PID1: variants seen among roughly 807,000 people sequenced by gnomAD.
PID1 encodes phosphotyrosine interaction domain containing 1, also known as PTB-containing, cubilin and LRP1-interacting protein.
PID1 carries 10 observed loss-of-function variants against 19.1 expected under a neutral mutation model. The observed-to-expected ratio is 0.52, with a 90% CI of 0.32 to 0.89. The LOEUF is 0.89. Among genes scored for constraint, PID1 ranks in the 40% least tolerant of loss-of-function variants. The pLI is 0.03. For synonymous variants in PID1, 130 were observed against 116.0 expected (o/e 1.12, Z -0.78); for missense variants, 248 against 285.3 (o/e 0.87, Z 0.94).
chr2:229,232,025 C>G, intron 1 of PID1: 1 of 1,549,442 alleles, frequency 6.5e-7, no homozygotes, highest in South Asian at 1.2e-5. Context: ...TGTCCTCACA[C>G]AGTGGAAGGC....
rs541358758 is a variant in PID1, at chr2:229,270,937, G to A, written c.30+77C>T. On this transcript the variant is annotated intron_variant, in intron 1 of 2. Transcript: ENST00000392055. ...GTTTTGGGCAAATCCCCTAAAGTAG[G>A]CAGAAGCAAAAACTAGGTTCCTCTG... The A allele has an allele frequency of 3.7e-5, 50 of 1,356,872 alleles. 1 individual carries two copies. In the South Asian group the frequency reaches 5.8e-4, roughly 16 times the overall value. The allele number at this position is 1,356,872 out of a possible 1,614,324, so 84.1% of individuals were successfully genotyped here.
chr2:229,218,074 T>G (rs541518557), intron 1 of PID1, among the ~76,000 whole-genome samples: 2 of 152,358 alleles, frequency 1.3e-5, no homozygotes, highest in Admixed American at 1.3e-4. Context: ...ATCTCTGTAA[T>G]AGTCCTTTAC....
At chr2:229,268,070 G>A (rs907434923) in intron 1 of PID1, among the ~76,000 whole-genome samples, 8 of 152,162 alleles carry the variant, frequency 5.3e-5, no homozygotes, top group East Asian at 1.9e-4. Flanking sequence ...AGCTCCCAGC[G>A]AGGGCTCGAG....
chr2:229,040,175 T>C (rs1233072798), intron 2 of PID1, among the ~76,000 whole-genome samples: 2 of 145,968 alleles, frequency 1.4e-5, no homozygotes, highest in Non-Finnish European at 3.0e-5. Flanking sequence ...TCCCAGCACA[T>C]TGGGAAGCTG....
chr2:229,092,990 T>A (rs1466115607), intron 2 of PID1, among the ~76,000 whole-genome samples: 2 of 152,176 alleles, frequency 1.3e-5, no homozygotes, highest in African/African-American at 4.8e-5. Context: ...CTATCAAGGT[T>A]AAGAACAATG....
At chr2:229,195,687 T>A (rs990640612) in intron 1 of PID1, among the ~76,000 whole-genome samples, 1 of 151,922 alleles carries the variant, frequency 6.6e-6, no homozygotes, top group Non-Finnish European at 1.5e-5. Flanking sequence ...CAAGCATATA[T>A]ACATGGACAA....
intron 2 of PID1, among the ~76,000 whole-genome samples, chr2:229,058,740 A>AAC (rs1303650114): frequency 6.6e-6 from 1 of 151,706 alleles, no homozygotes; most frequent in African/African-American, 2.4e-5. Context: ...AAAAAAAAAA[A>AAC]AAAGTGAGTT....
intron 2 of PID1, among the ~76,000 whole-genome samples, chr2:229,057,976 A>G (rs1233099418): frequency 6.6e-6 from 1 of 152,252 alleles, no homozygotes; most frequent in East Asian, 1.9e-4. Flanking sequence ...GAAAGCAATT[A>G]GAAATGCAAA....
rs1329247679 is a variant in PID1, at chr2:229,139,151, A to G, written c.177+16667T>C. 9.9e-3 allele frequency among the ~76,000 whole-genome samples: 1,279 copies of G among 129,782 alleles called. 132 individuals are homozygous for G. Among genetic ancestry groups the G allele is most frequent in the African/African-American group, 0.036 (1,210 of 33,946 alleles). 85.1% of individuals were successfully genotyped at this position (129,782 alleles called of 152,430 possible). On this transcript the variant is annotated intron_variant, in intron 2 of 2. Coordinates refer to ENST00000392055, the MANE Select transcript of PID1 (RefSeq NM_001100818.2). ...AAAGAAAGAAAGAAAGAAAGAAAGC[A>G]AGCGAGCGAGCAAGCGAGCTTCCCT...
At chr2:229,267,577 G>A (rs189520144) in intron 1 of PID1, among the ~76,000 whole-genome samples, 15 of 152,236 alleles carry the variant, frequency 9.9e-5, no homozygotes, top group East Asian at 5.8e-4. Flanking sequence ...GACCTCCTTC[G>A]TTTCTAAGTC....
chr2:229,105,229 C>T (rs1224119907), intron 2 of PID1, among the ~76,000 whole-genome samples: 2 of 152,214 alleles, frequency 1.3e-5, no homozygotes, highest in African/African-American at 2.4e-5. Flanking sequence ...ATTGGGGGCA[C>T]TTCCTTTATC....
chr2:229,078,845 T>C (rs1257615586), intron 2 of PID1, among the ~76,000 whole-genome samples: 1 of 152,184 alleles, frequency 6.6e-6, no homozygotes, highest in Non-Finnish European at 1.5e-5. Context: ...TGCTTTTTCT[T>C]CCAGGTTATA....
chr2:229,104,201 G>A (rs1695129612), intron 2 of PID1, among the ~76,000 whole-genome samples: 1 of 152,100 alleles, frequency 6.6e-6, no homozygotes, highest in South Asian at 2.1e-4. Flanking sequence ...GGCTTATCTG[G>A]TTCAGCCTGT....
At chr2:229,244,101 T>C (rs980737027) in intron 1 of PID1, among the ~76,000 whole-genome samples, 2 of 152,148 alleles carry the variant, frequency 1.3e-5, no homozygotes, top group Non-Finnish European at 2.9e-5. Context: ...AAAACTAGCA[T>C]TATGTAAACA....
At chr2:229,229,871 A>G (rs1692165384) in intron 1 of PID1, among the ~76,000 whole-genome samples, 1 of 152,168 alleles carries the variant, frequency 6.6e-6, no homozygotes, top group African/African-American at 2.4e-5. Context: ...ACATCATCAC[A>G]TGCTGATTCT....
intron 2 of PID1, among the ~76,000 whole-genome samples, chr2:229,070,955 C>G (rs573248672): frequency 1.1e-4 from 17 of 152,286 alleles, no homozygotes; most frequent in Non-Finnish European, 1.9e-4. Context: ...AACAATCCAA[C>G]TGCAGTTCAC....
intron 2 of PID1, among the ~76,000 whole-genome samples, chr2:229,139,323 T>C (rs1689963975): frequency 6.6e-6 from 1 of 152,156 alleles, no homozygotes; most frequent in Non-Finnish European, 1.5e-5. Context: ...GGCACAATCA[T>C]GAATGAGTCA....
chr2:229,185,648 T>A (rs1691113700), intron 1 of PID1, among the ~76,000 whole-genome samples: 1 of 151,964 alleles, frequency 6.6e-6, no homozygotes, highest in Admixed American at 6.6e-5. Flanking sequence ...AAACTCCCCC[T>A]CATAATAACC....
intron 1 of PID1, among the ~76,000 whole-genome samples, chr2:229,253,469 A>G (rs1690207081): frequency 6.6e-6 from 1 of 151,974 alleles, no homozygotes; most frequent in South Asian, 2.1e-4. Context: ...GGACCAAAAA[A>G]CCTTTCTCCA....
Sources: gnomAD v4.1 joint callset for allele counts (sites outside exome capture counted in the v4.1 genomes callset) on GRCh38, gnomAD v4.1.1 for gene constraint, MANE v1.5 for transcripts, NCBI Gene and HGNC (gene_info 2026-07-23, HGNC 2026-07-21) for gene names.